The following KIAA1217 variants were observed in gnomAD, a reference collection of about 807,000 sequenced individuals.
KIAA1217 encodes the protein KIAA1217.
In KIAA1217, 88 loss-of-function variants were observed where a neutral mutation model predicts 163.9. The ratio of observed to expected loss-of-function variants is 0.54; its 90% CI spans 0.45 to 0.64. KIAA1217 has a LOEUF of 0.64. KIAA1217 is among the 30% of genes least tolerant of loss of function. KIAA1217 has a pLI of 0.00. For missense variants in KIAA1217, 2,372 were observed against 2,475.0 expected (o/e 0.96, Z 0.88); for synonymous variants, 903 against 923.1 (o/e 0.98, Z 0.39).
intron 1 of KIAA1217, among the ~76,000 whole-genome samples, chr10:23,956,506 G>C (rs753377023): frequency 7.2e-5 from 11 of 151,904 alleles, no homozygotes; most frequent in Non-Finnish European, 1.3e-4. Context: ...CCTTGATACT[G>C]CCTTCTAACC....
chr10:23,886,187 C>T (rs936312556), intron 1 of KIAA1217, among the ~76,000 whole-genome samples: 1 of 151,990 alleles, frequency 6.6e-6, no homozygotes, highest in African/African-American at 2.4e-5. Flanking sequence ...AAAAAGCTGA[C>T]CCTGTAGTGA....
At chr10:24,016,787 C>T (rs964692037) in intron 2 of KIAA1217, among the ~76,000 whole-genome samples, 4 of 151,770 alleles carry the variant, frequency 2.6e-5, no homozygotes, top group African/African-American at 9.7e-5. Context: ...AAGTACCAAC[C>T]TCATACATTT....
intron 2 of KIAA1217, among the ~76,000 whole-genome samples, chr10:24,373,348 A>T (rs2051970118): frequency 6.6e-6 from 1 of 151,956 alleles, no homozygotes; most frequent in African/African-American, 2.4e-5. Flanking sequence ...GCAATTAGGA[A>T]CTTCCTCCTT....
chr10:24,497,120 T>C (rs1373243419), intron 8 of KIAA1217, among the ~76,000 whole-genome samples: 3 of 152,156 alleles, frequency 2.0e-5, no homozygotes, highest in African/African-American at 7.2e-5. Flanking sequence ...TAATAATTCT[T>C]CCAGAATGCT....
At chr10:24,036,783 C>T (rs1454073667) in intron 2 of KIAA1217, among the ~76,000 whole-genome samples, 2 of 152,230 alleles carry the variant, frequency 1.3e-5, no homozygotes, top group East Asian at 3.9e-4. Context: ...CCGCAACAAG[C>T]CATTTATGAA....
intron 2 of KIAA1217, among the ~76,000 whole-genome samples, chr10:24,235,599 C>T (rs562107694): frequency 7.2e-5 from 11 of 152,318 alleles, no homozygotes; most frequent in Admixed American, 3.3e-4. Context: ...TATCAACATC[C>T]TAGAGATCTG....
At chr10:23,915,603 A>C (rs1219268737) in intron 1 of KIAA1217, among the ~76,000 whole-genome samples, 1 of 152,170 alleles carries the variant, frequency 6.6e-6, no homozygotes, top group Non-Finnish European at 1.5e-5. Flanking sequence ...AAAGATGGGT[A>C]AGGGTATATA....
intron 1 of KIAA1217, among the ~76,000 whole-genome samples, chr10:23,851,834 T>A (rs1037755279): frequency 2.6e-5 from 4 of 152,024 alleles, no homozygotes; most frequent in Admixed American, 2.0e-4. Flanking sequence ...TCTGTTCATG[T>A]CCTTCGCCCA....
chr10:23,858,232 G>A (rs1326212962), intron 1 of KIAA1217, among the ~76,000 whole-genome samples: 3 of 152,072 alleles, frequency 2.0e-5, no homozygotes, highest in Non-Finnish European at 2.9e-5. Flanking sequence ...GCTGGATGGG[G>A]AAGAGCAGTG....
intron 2 of KIAA1217, among the ~76,000 whole-genome samples, chr10:24,131,178 A>G (rs1292170383): frequency 1.3e-5 from 2 of 152,204 alleles, no homozygotes; most frequent in Non-Finnish European, 2.9e-5. Flanking sequence ...TTTGAAGACT[A>G]TTTTAAACTC....
At chr10:23,765,645 G>C (rs1307864204) in intron 1 of KIAA1217, among the ~76,000 whole-genome samples, 1 of 152,136 alleles carries the variant, frequency 6.6e-6, no homozygotes, top group East Asian at 1.9e-4. Context: ...CTGTTCTCAT[G>C]ACCGTGAGTG....
At chr10:24,208,934 T>C, upstream of KIAA1217, 1 of 291,820 alleles carries the variant, frequency 3.4e-6, no homozygotes, top group South Asian at 3.3e-5. Flanking sequence ...AGAGCGCGCC[T>C]GAGGACGGAC....
At chr10:24,420,447 C>G (rs946934072) in intron 3 of KIAA1217, among the ~76,000 whole-genome samples, 2 of 151,952 alleles carry the variant, frequency 1.3e-5, no homozygotes, top group South Asian at 4.2e-4. Context: ...TTGTAAATAT[C>G]TTCTCTCTGT....
intron 1 of KIAA1217, among the ~76,000 whole-genome samples, chr10:23,709,783 T>C (rs538813074): frequency 8.5e-5 from 13 of 152,270 alleles, no homozygotes; most frequent in Admixed American, 3.3e-4. Context: ...AACTCGGAGA[T>C]ACAAAGCCTA....
intron 2 of KIAA1217, among the ~76,000 whole-genome samples, chr10:24,186,295 T>C (rs1387158143): frequency 6.6e-6 from 1 of 152,192 alleles, no homozygotes; most frequent in Non-Finnish European, 1.5e-5. Flanking sequence ...GAAAATCCTC[T>C]GGTTTTATAC....
intron 13 of KIAA1217, among the ~76,000 whole-genome samples, 186 bp downstream of exon 13, chr10:24,524,950 G>A (rs561893263): frequency 3.0e-5 from 4 of 132,018 alleles, no homozygotes; most frequent in African/African-American, 1.4e-4. Context: ...AGAAGGGTGA[G>A]ACACCTGGCC....
In KIAA1217 at chr10:24,275,456, G is replaced by A. The variant is rs376669016; in HGVS notation, c.354+55547G>A. Among the ~76,000 whole-genome samples, 28 of 152,280 alleles carry A rather than the reference G, an allele frequency of 1.8e-4. No homozygotes were observed. The East Asian group carries it at 3.3e-3, about 18-fold the overall frequency. On this transcript the variant is annotated intron_variant, in intron 2 of 20. Transcript: ENST00000376454. The stretch of plus-strand genomic sequence containing the variant: ...AAAGCAGAGTGTTGTTTAGTTAGAC[G>A]CCACCTGGGAACGTGCTTGTTGGGA...
chr10:23,708,940 A>G (rs1010782203), intron 1 of KIAA1217, among the ~76,000 whole-genome samples: 2 of 152,118 alleles, frequency 1.3e-5, no homozygotes, highest in Non-Finnish European at 2.9e-5. Context: ...GGACTTCCAC[A>G]TCACCTTTAA....
intron 1 of KIAA1217, among the ~76,000 whole-genome samples, chr10:23,777,581 C>T (rs2130894342): frequency 6.6e-6 from 1 of 152,146 alleles, no homozygotes; most frequent in East Asian, 1.9e-4. Flanking sequence ...GCTTATGTGA[C>T]TTAGGACCCA....
Sources: allele counts gnomAD v4.1 joint callset (sites outside exome capture counted in the v4.1 genomes callset), GRCh38; gene constraint gnomAD v4.1.1; transcripts MANE v1.5; gene names NCBI Gene and HGNC (gene_info 2026-07-23, HGNC 2026-07-21).